Variants in ZDHHC15 observed in about 807,000 individuals in gnomAD.
ZDHHC15 encodes the protein zDHHC palmitoyltransferase 15.
In ZDHHC15, 19 loss-of-function variants were observed where a neutral mutation model predicts 31.7. That is an observed-to-expected ratio of 0.60 (90% CI 0.42 to 0.88). The LOEUF is 0.88. Ranked by LOEUF, ZDHHC15 falls within the 40% of genes least tolerant of loss-of-function variation. The pLI, the probability that ZDHHC15 is intolerant of heterozygous loss-of-function variation, is 0.00. For missense variants in ZDHHC15, 209 were observed against 251.2 expected (o/e 0.83, Z 1.14); for synonymous variants, 103 against 90.0 (o/e 1.14, Z -0.82).
intron 4 of ZDHHC15, among the ~76,000 whole-genome samples, chrX:75,441,050 C>A (rs924290685): frequency 8.9e-6 from 1 of 111,867 alleles, no homozygotes; most frequent in African/African-American, 3.3e-5. Flanking sequence ...TAGTTTATAT[C>A]CAGGAAGCCG....
At chrX:75,399,930 C>G (rs1451867760) in intron 10 of ZDHHC15, among the ~76,000 whole-genome samples, 1 of 111,557 alleles carries the variant, frequency 9.0e-6, no homozygotes. Flanking sequence ...AGACACTACA[C>G]AAAGCCTCAG....
intron 3 of ZDHHC15, among the ~76,000 whole-genome samples, chrX:75,456,371 G>A (rs1438068020): frequency 9.3e-6 from 1 of 107,838 alleles, no homozygotes; most frequent in Non-Finnish European, 1.9e-5. Context: ...GGGGCTGGGG[G>A]AGGGATAGCA....
intron 10 of ZDHHC15, among the ~76,000 whole-genome samples, chrX:75,394,562 AT>A (rs1278582056): frequency 8.9e-6 from 1 of 112,034 alleles, no homozygotes. Context: ...AAAACAGAGC[AT>A]GTGTAGCTAC....
At chrX:75,470,569 C>A (rs1176602734) in intron 3 of ZDHHC15, among the ~76,000 whole-genome samples, 1 of 111,646 alleles carries the variant, frequency 9.0e-6, no homozygotes, top group Non-Finnish European at 1.9e-5. Flanking sequence ...ATTTTGGGAA[C>A]TACTGGACAC....
chrX:75,461,261 A>C (rs953046635), intron 3 of ZDHHC15, among the ~76,000 whole-genome samples: 3 of 112,012 alleles, frequency 2.7e-5, no homozygotes, highest in African/African-American at 9.7e-5. Flanking sequence ...GGAATGAATA[A>C]AATCTGAGAA....
rs932339103 is a variant in ZDHHC15, at chrX:75,440,501, G to A, written c.380-8981C>T. Among the ~76,000 whole-genome samples the A allele has an allele frequency of 8.0e-5, 9 of 112,037 alleles. No individual in the cohort carries two copies. In the East Asian group the frequency reaches 1.4e-3, roughly 18 times the overall value. On this transcript the variant is annotated intron_variant, in intron 4 of 11. Coordinates refer to ENST00000373367, the MANE Select transcript of ZDHHC15 (RefSeq NM_144969.3). Reference sequence around the variant, plus strand: ...TCACCGTGTTAGCCAGGATGGTCTCGATCTCCTGACCTCGTGATCTGCCTG... The same window carrying A: ...TCACCGTGTTAGCCAGGATGGTCTCAATCTCCTGACCTCGTGATCTGCCTG...
intron 11 of ZDHHC15, among the ~76,000 whole-genome samples, chrX:75,374,984 G>T (rs749893965): frequency 9.9e-4 from 110 of 111,056 alleles, no homozygotes; most frequent in Non-Finnish European, 1.1e-3. Context: ...TTGCAGCGAT[G>T]GTTTCACAGA....
intron 10 of ZDHHC15, among the ~76,000 whole-genome samples, chrX:75,383,988 C>T (rs1374954690): frequency 1.0e-4 from 11 of 109,364 alleles, no homozygotes; most frequent in African/African-American, 3.7e-4. Context: ...GTGATCTGCC[C>T]GCCTCGGCCT....
chrX:75,492,527 G>A (rs921373628), intron 2 of ZDHHC15, among the ~76,000 whole-genome samples: 21 of 111,409 alleles, frequency 1.9e-4, no homozygotes, highest in African/African-American at 6.9e-4. Flanking sequence ...CCACATAGTT[G>A]GAAGTAAAGC....
At chrX:75,517,730 A>T (rs1382092637) in intron 1 of ZDHHC15, among the ~76,000 whole-genome samples, 2 of 109,889 alleles carry the variant, frequency 1.8e-5, no homozygotes, top group East Asian at 5.6e-4. Context: ...TAAAACTTAA[A>T]GTATAATAAT....
At chrX:75,412,588 C>T (rs752126947) in intron 10 of ZDHHC15, among the ~76,000 whole-genome samples, 3 of 110,727 alleles carry the variant, frequency 2.7e-5, no homozygotes, top group East Asian at 2.8e-4. Flanking sequence ...CGTGCCACCA[C>T]GCCCGGCTAA....
chrX:75,429,051 G>A lies in ZDHHC15; in HGVS notation c.603+27C>T, dbSNP rs746843369. The A allele has an allele frequency of 1.0e-5, 12 of 1,202,043 alleles. No individual in the cohort carries two copies. The East Asian group carries it at 3.3e-4, about 33-fold the overall frequency. On this transcript the variant is annotated intron_variant, in intron 7 of 11. Transcript: ENST00000373367. ...GGAGTGGGTGTGCATTTGTTCTAGG[G>A]GACCCTTCAGGATATTTTTAACTTA...
intron 3 of ZDHHC15, among the ~76,000 whole-genome samples, chrX:75,453,568 G>T (rs2084162345): frequency 9.0e-6 from 1 of 111,075 alleles, no homozygotes; most frequent in South Asian, 3.9e-4. Flanking sequence ...ACCAAAGGCT[G>T]GCAGTGACAC....
At chrX:75,495,896 C>T (rs763952254) in intron 2 of ZDHHC15, among the ~76,000 whole-genome samples, 22 of 104,724 alleles carry the variant, frequency 2.1e-4, no homozygotes, top group African/African-American at 6.4e-4. Context: ...CTAACCTGCA[C>T]ATTGTGCACA....
chrX:75,433,240 G>C (rs1176014673), intron 4 of ZDHHC15, among the ~76,000 whole-genome samples: 2 of 110,109 alleles, frequency 1.8e-5, no homozygotes, highest in African/African-American at 6.6e-5. Context: ...TTTTGCCTGG[G>C]ATGATCATCC....
intron 2 of ZDHHC15, among the ~76,000 whole-genome samples, chrX:75,496,160 A>C (rs752782893): frequency 9.0e-6 from 1 of 111,271 alleles, no homozygotes; most frequent in Non-Finnish European, 1.9e-5. Context: ...GTGTGGAAAA[A>C]GATATTCAAT....
At chrX:75,440,080 T>C (rs1246905801) in intron 4 of ZDHHC15, among the ~76,000 whole-genome samples, 1 of 110,741 alleles carries the variant, frequency 9.0e-6, no homozygotes, top group East Asian at 2.9e-4. Flanking sequence ...AGCAGGGGAG[T>C]TGAAGTGGAT....
chrX:75,415,268 G>A (rs917075158), intron 10 of ZDHHC15, among the ~76,000 whole-genome samples: 8 of 111,464 alleles, frequency 7.2e-5, no homozygotes, highest in African/African-American at 2.6e-4. Context: ...GGGAGCAACT[G>A]AAGTTAACAT....
Position 75,505,821 on chromosome X carries a change from C to T in ZDHHC15, c.163G>A (p.Val55Ile). The change falls in exon 2 of 12, where the codon GTT becomes ATT. Residue 55 changes from valine to isoleucine, a missense_variant and splice_region_variant. Val to Ile is a conservative substitution (Grantham distance 29, BLOSUM62 3). Transcript: ENST00000373367. ...AATACAATTTCCAACATCATCTTACCTTTTTCTGCTGGGCTCAAAACAGTC... is the reference window on the plus strand; with the variant it reads ...AATACAATTTCCAACATCATCTTACTTTTTTCTGCTGGGCTCAAAACAGTC... The part of the protein sequence containing the change: ...LVTVLSPAEK[V>I]IYLILYHAIF... 1 of 1,208,399 alleles carries T rather than the reference C, an allele frequency of 8.3e-7. No homozygotes were observed. The highest frequency in any genetic ancestry group is 1.8e-5 in the South Asian group (1 of 56,755).
Sources: gnomAD v4.1 joint callset for allele counts (sites outside exome capture counted in the v4.1 genomes callset) on GRCh38, gnomAD v4.1.1 for gene constraint, MANE v1.5 for transcripts, NCBI Gene and HGNC (gene_info 2026-07-23, HGNC 2026-07-21) for gene names.